The following FGF14 variants were observed in gnomAD, a reference collection of about 807,000 sequenced individuals.
The protein encoded by FGF14 is fibroblast growth factor homologous factor 4.
FGF14 carries 5 observed loss-of-function variants against 25.5 expected under a neutral mutation model. The observed-to-expected ratio is 0.20, with a 90% CI of 0.10 to 0.41. The LOEUF is 0.41. Among genes scored for constraint, FGF14 ranks in the 10% least tolerant of loss-of-function variants. The pLI, the probability that FGF14 is intolerant of heterozygous loss-of-function variation, is 1.00. For missense variants in FGF14, 222 were observed against 320.1 expected, an observed-to-expected ratio of 0.69 and a Z score of 2.34; for synonymous variants, 138 against 118.3, an observed-to-expected ratio of 1.17 and a Z score of -1.08.
intron 1 of FGF14, among the ~76,000 whole-genome samples, chr13:101,913,910 T>G (rs528783238): frequency 6.6e-6 from 1 of 152,258 alleles, no homozygotes. Flanking sequence ...AGGCAATGAC[T>G]CTCTACCCCA....
intron 1 of FGF14, among the ~76,000 whole-genome samples, chr13:102,263,792 T>C (rs2052840599): frequency 6.6e-6 from 1 of 152,172 alleles, no homozygotes; most frequent in African/African-American, 2.4e-5. Context: ...TAAACACTCT[T>C]AGACAGTGAA....
intron 1 of FGF14, among the ~76,000 whole-genome samples, chr13:102,043,252 C>T (rs1566611819): frequency 1.3e-5 from 2 of 152,122 alleles, no homozygotes; most frequent in Non-Finnish European, 2.9e-5. Context: ...CAAAATGAAG[C>T]ACCCAAGGTC....
intron 3 of FGF14, among the ~76,000 whole-genome samples, chr13:101,751,936 C>T (rs539740212): frequency 7.9e-5 from 12 of 151,874 alleles, no homozygotes; most frequent in African/African-American, 2.9e-4. Flanking sequence ...CAAAAACAAA[C>T]AAACAAACAA....
chr13:101,723,110 C>T (rs1370165994), intron 4 of FGF14, 143 bp from the exon 5 acceptor site: 2 of 963,594 alleles, frequency 2.1e-6, no homozygotes, highest in African/African-American at 3.2e-5. Context: ...GACAGAATTC[C>T]TGTTGTAAAG....
At chr13:101,819,693 C>A (rs182272921) in intron 3 of FGF14, among the ~76,000 whole-genome samples, 8 of 152,308 alleles carry the variant, frequency 5.3e-5, no homozygotes, top group Non-Finnish European at 1.0e-4. Context: ...TATTTTCTAG[C>A]AATGATACTC....
chr13:102,093,519 T>A (rs2044259141), intron 1 of FGF14, among the ~76,000 whole-genome samples: 1 of 152,180 alleles, frequency 6.6e-6, no homozygotes, highest in Non-Finnish European at 1.5e-5. Flanking sequence ...GTAATGCTAA[T>A]CATCTCTGCA....
chr13:102,173,839 G>A (rs1320120361), intron 1 of FGF14, among the ~76,000 whole-genome samples: 1 of 152,038 alleles, frequency 6.6e-6, no homozygotes, highest in Non-Finnish European at 1.5e-5. Flanking sequence ...GGGGGTATGG[G>A]AAGTTGTTCA....
At chr13:102,396,027 C>G (rs2058574120) in intron 1 of FGF14, among the ~76,000 whole-genome samples, 5 of 152,138 alleles carry the variant, frequency 3.3e-5, no homozygotes, top group Admixed American at 3.3e-4. Context: ...TATTGCATCT[C>G]TAGAGGTATA....
At chr13:102,281,916 T>G (rs999842322) in intron 1 of FGF14, among the ~76,000 whole-genome samples, 7 of 152,176 alleles carry the variant, frequency 4.6e-5, no homozygotes, top group African/African-American at 1.7e-4. Flanking sequence ...ATTTCTCTAC[T>G]AGGCACCTCT....
chr13:102,189,492 A>G (rs1414452222), intron 1 of FGF14, among the ~76,000 whole-genome samples: 1 of 152,162 alleles, frequency 6.6e-6, no homozygotes, highest in Non-Finnish European at 1.5e-5. Flanking sequence ...AACTTGAAAG[A>G]GGTATTATGG....
At chr13:101,948,769 T>C (rs1044060013) in intron 1 of FGF14, among the ~76,000 whole-genome samples, 1 of 152,166 alleles carries the variant, frequency 6.6e-6, no homozygotes, top group Admixed American at 6.5e-5. Flanking sequence ...AATGTTAACA[T>C]TTGCCAAAGT....
At chr13:102,314,497 T>G (rs1374801897) in intron 1 of FGF14, among the ~76,000 whole-genome samples, 1 of 152,184 alleles carries the variant, frequency 6.6e-6, no homozygotes, top group East Asian at 1.9e-4. Context: ...ATGGAATGTC[T>G]GCATTTTCCA....
chr13:102,272,753 A>G (rs1340989061), intron 1 of FGF14, among the ~76,000 whole-genome samples: 1 of 152,152 alleles, frequency 6.6e-6, no homozygotes, highest in Non-Finnish European at 1.5e-5. Flanking sequence ...ATAGATATTG[A>G]GTGATATATC....
intron 1 of FGF14, among the ~76,000 whole-genome samples, chr13:102,295,227 G>A (rs936817260): frequency 3.9e-5 from 6 of 152,062 alleles, no homozygotes; most frequent in Admixed American, 6.5e-5. Context: ...CCACTGGAGC[G>A]CATTTTTATC....
At chr13:102,244,869 A>G (rs2051784193) in intron 1 of FGF14, among the ~76,000 whole-genome samples, 1 of 152,094 alleles carries the variant, frequency 6.6e-6, no homozygotes, top group South Asian at 2.1e-4. Flanking sequence ...TACACAGAGG[A>G]AAACAGATTT....
At chr13:101,753,647 A>G (rs1011238072) in intron 3 of FGF14, among the ~76,000 whole-genome samples, 2 of 152,108 alleles carry the variant, frequency 1.3e-5, no homozygotes, top group Non-Finnish European at 2.9e-5. Context: ...TCTACTAAAA[A>G]TAAAAATCAG....
In FGF14 at chr13:101,892,156, A is replaced by T. The variant is rs554740285; in HGVS notation, c.194-16860T>A. Among the ~76,000 whole-genome samples, 11 of 152,320 alleles carry T rather than the reference A, an allele frequency of 7.2e-5. 1 individual carries two copies. Among genetic ancestry groups the T allele is most frequent in the African/African-American group, 1.4e-4 (6 of 41,578 alleles). ...GAATTGAACACAACACAATCCAAAG[A>T]TGCAAAAGAAGCATCTTTTCAATTT... is the stretch of plus-strand genomic sequence containing the variant. On this transcript the variant is annotated intron_variant, in intron 1 of 4. Transcript: ENST00000376143.
chr13:102,364,194 T>C (rs2057645410), intron 1 of FGF14, among the ~76,000 whole-genome samples: 1 of 152,260 alleles, frequency 6.6e-6, no homozygotes, highest in Non-Finnish European at 1.5e-5. Flanking sequence ...TCTGTAATAA[T>C]GCAATGCAAT....
At chr13:102,227,283 C>T (rs1013766167) in intron 1 of FGF14, among the ~76,000 whole-genome samples, 9 of 152,086 alleles carry the variant, frequency 5.9e-5, no homozygotes, top group African/African-American at 2.2e-4. Context: ...TTTGGAATGT[C>T]CTAGCCTATC....
Sources: gnomAD v4.1 joint callset for allele counts (sites outside exome capture counted in the v4.1 genomes callset) on GRCh38, gnomAD v4.1.1 for gene constraint, MANE v1.5 for transcripts, NCBI Gene and HGNC (gene_info 2026-07-23, HGNC 2026-07-21) for gene names.